SHISA9: variants seen among roughly 807,000 people sequenced by gnomAD.
The protein encoded by SHISA9 is shisa family member 9.
A neutral mutation model predicts 38.0 loss-of-function variants in SHISA9; 13 were observed. The observed-to-expected ratio is 0.34, with a 90% confidence interval of 0.22 to 0.54. SHISA9 has a LOEUF of 0.54. SHISA9 is among the 20% of genes least tolerant of loss of function. The pLI, the probability that SHISA9 is intolerant of heterozygous loss-of-function variation, is 0.91. For synonymous variants in SHISA9, 275 were observed against 242.0 expected, an observed-to-expected ratio of 1.14 and a Z score of -1.27; for missense variants, 538 against 575.8, an observed-to-expected ratio of 0.93 and a Z score of 0.67.
chr16:13,256,633 G>A, the SHISA9 span, among the ~76,000 whole-genome samples: 3 of 152,148 alleles, frequency 2.0e-5, no homozygotes, highest in Non-Finnish European at 4.4e-5. Flanking sequence ...CTAGACTGGG[G>A]GCTCTTTAAA....
At chr16:13,093,106 T>C (rs1315242174) in intron 2 of SHISA9, among the ~76,000 whole-genome samples, 1 of 151,912 alleles carries the variant, frequency 6.6e-6, no homozygotes, top group Non-Finnish European at 1.5e-5. Context: ...GGGCATAGAG[T>C]CCTGGGTTCT....
At chr16:13,056,395 G>C (rs2073311325) in intron 2 of SHISA9, among the ~76,000 whole-genome samples, 1 of 152,158 alleles carries the variant, frequency 6.6e-6, no homozygotes. Flanking sequence ...ATAAAGTCCT[G>C]CTCCTCAAAT....
chr16:13,061,499 C>T (rs551224166), intron 2 of SHISA9, among the ~76,000 whole-genome samples: 3 of 152,208 alleles, frequency 2.0e-5, no homozygotes, highest in South Asian at 4.1e-4. Context: ...ATGCACTGTC[C>T]GGATTAAAGG....
At chr16:12,971,218 C>A (rs1364329135) in intron 2 of SHISA9, among the ~76,000 whole-genome samples, 1 of 152,204 alleles carries the variant, frequency 6.6e-6, no homozygotes, top group Non-Finnish European at 1.5e-5. Context: ...CCCTTATCCC[C>A]CCTCCAAATC....
At chr16:13,274,376 A>T in the SHISA9 span, among the ~76,000 whole-genome samples, 2 of 152,108 alleles carry the variant, frequency 1.3e-5, no homozygotes, top group Admixed American at 6.6e-5. Context: ...GATTCCTTAT[A>T]TATATATACT....
At chr16:13,518,443 C>T in the SHISA9 span, among the ~76,000 whole-genome samples, 26 of 152,244 alleles carry the variant, frequency 1.7e-4, no homozygotes, top group Admixed American at 9.8e-4. Context: ...GGAAACAGGA[C>T]CAGAAAAACC....
chr16:13,268,341 C>G, the SHISA9 span, among the ~76,000 whole-genome samples: 1 of 152,122 alleles, frequency 6.6e-6, no homozygotes, highest in African/African-American at 2.4e-5. Flanking sequence ...GAAACCCTGA[C>G]TTTCCAAAAT....
chr16:13,071,571 C>CCTTCCTTCCTTCCTTCCTTCCTT lies in SHISA9; in HGVS notation c.692-131822_692-131821insTTCCTTCCTTCCTTCCTTCCTTC, dbSNP rs1445653646. On this transcript the variant is annotated intron_variant, in intron 2 of 4. Coordinates refer to ENST00000558583, the MANE Select transcript of SHISA9 (RefSeq NM_001145204.3). ...TCCATTCCCTTTTTCCTTCCTTCCTCCCTTCCTCCCTTCCTTCCTTCCTTC... is the reference window on the plus strand; with the variant it reads ...TCCATTCCCTTTTTCCTTCCTTCCTCCTTCCTTCCTTCCTTCCTTCCTTCCTTCCTCCCTTCCTTCCTTCCTTC... Among the ~76,000 whole-genome samples, 156 of 134,360 alleles carry CCTTCCTTCCTTCCTTCCTTCCTT rather than the reference C, an allele frequency of 1.2e-3. 4 individuals are homozygous for CCTTCCTTCCTTCCTTCCTTCCTT. The highest frequency in any genetic ancestry group is 5.0e-3 in the African/African-American group (143 of 28,576). The allele number at this position is 134,360 out of a possible 152,430, so 88.1% of individuals were successfully genotyped here. A position where few individuals can be genotyped will look rare whatever the true frequency, so the allele number is the denominator to read the frequency against.
At chr16:13,007,849 A>G (rs537485852) in intron 2 of SHISA9, among the ~76,000 whole-genome samples, 16 of 151,966 alleles carry the variant, frequency 1.1e-4, no homozygotes, top group Admixed American at 5.2e-4. Context: ...CTCCTCTTGC[A>G]CTTGTTTACA....
chr16:13,526,500 C>T, the SHISA9 span, among the ~76,000 whole-genome samples: 1 of 152,202 alleles, frequency 6.6e-6, no homozygotes, highest in Non-Finnish European at 1.5e-5. Context: ...TCTCCTGCTT[C>T]AGCCTCCTGA....
intron 2 of SHISA9, among the ~76,000 whole-genome samples, chr16:13,105,359 C>A (rs1038655860): frequency 6.6e-6 from 1 of 152,182 alleles, no homozygotes; most frequent in Non-Finnish European, 1.5e-5. Context: ...TGCATGCTGT[C>A]CCAAGTGGGT....
intron 2 of SHISA9, among the ~76,000 whole-genome samples, chr16:13,078,021 A>G (rs2141931737): frequency 6.6e-6 from 1 of 152,344 alleles, no homozygotes; most frequent in East Asian, 1.9e-4. Context: ...GACTGGCTTT[A>G]TTGACTAAAA....
At chr16:13,119,473 C>T (rs1275117072) in intron 2 of SHISA9, among the ~76,000 whole-genome samples, 1 of 152,114 alleles carries the variant, frequency 6.6e-6, no homozygotes, top group Non-Finnish European at 1.5e-5. Flanking sequence ...ATCTAAAGTA[C>T]ATGTTTATTA....
chr16:13,368,094 C>T, the SHISA9 span, among the ~76,000 whole-genome samples: 1 of 152,086 alleles, frequency 6.6e-6, no homozygotes, highest in African/African-American at 2.4e-5. Context: ...TCCTACTGTG[C>T]CTCAAGTGTT....
chr16:13,416,841 AAG>A, the SHISA9 span, among the ~76,000 whole-genome samples: 7 of 151,532 alleles, frequency 4.6e-5, no homozygotes, highest in South Asian at 2.1e-4. Context: ...AAGAGAAAGA[AAG>A]AAAGAGAGGG....
chr16:12,941,257 A>G (rs2071607193), intron 2 of SHISA9, among the ~76,000 whole-genome samples: 1 of 152,198 alleles, frequency 6.6e-6, no homozygotes, highest in African/African-American at 2.4e-5. Flanking sequence ...AACCTAAGGC[A>G]GGAGAATTGC....
the SHISA9 span, among the ~76,000 whole-genome samples, chr16:13,538,445 A>G: frequency 0.031 from 4,783 of 152,304 alleles, 119 homozygotes; most frequent in African/African-American, 0.065. Flanking sequence ...CATAAATCAC[A>G]TCTTAGAGCT....
chr16:13,026,828 G>C (rs905062), intron 2 of SHISA9, among the ~76,000 whole-genome samples: 2 of 151,978 alleles, frequency 1.3e-5, no homozygotes, highest in South Asian at 2.1e-4. Context: ...CTAACAAGTA[G>C]CCATGATGCT....
chr16:13,241,577 AC>A (rs2051435799), downstream of SHISA9, among the ~76,000 whole-genome samples: 2 of 152,200 alleles, frequency 1.3e-5, no homozygotes, highest in South Asian at 4.1e-4. Context: ...CAGTCACTGT[AC>A]ACCAAAGTCC....
Sources: gnomAD v4.1 joint callset for allele counts (sites outside exome capture counted in the v4.1 genomes callset) on GRCh38, gnomAD v4.1.1 for gene constraint, MANE v1.5 for transcripts, NCBI Gene and HGNC (gene_info 2026-07-23, HGNC 2026-07-21) for gene names.